Variants in NDST4 observed in about 807,000 individuals in gnomAD.
NDST4 encodes N-heparan sulfate sulfotransferase 4.
Under a neutral mutation model 100.8 loss-of-function variants are expected in NDST4, and 63 were observed. The ratio of observed to expected loss-of-function variants is 0.62; its 90% CI spans 0.51 to 0.77. NDST4 has a LOEUF of 0.77. NDST4 is among the 30% of genes least tolerant of loss of function. The pLI, the probability that NDST4 is intolerant of heterozygous loss-of-function variation, is 0.00. For missense variants in NDST4, 943 were observed against 1,018.4 expected, an observed-to-expected ratio of 0.93 and a Z score of 1.01; for synonymous variants, 377 against 361.8, an observed-to-expected ratio of 1.04 and a Z score of -0.48.
At chr4:114,984,986 T>G (rs957727626) in intron 2 of NDST4, among the ~76,000 whole-genome samples, 16 of 152,224 alleles carry the variant, frequency 1.1e-4, no homozygotes, top group African/African-American at 1.9e-4. Flanking sequence ...TTTGCTATAA[T>G]GTATACATTA....
intron 2 of NDST4, among the ~76,000 whole-genome samples, chr4:115,048,890 C>T (rs1044670079): frequency 1.3e-5 from 2 of 150,660 alleles, no homozygotes; most frequent in South Asian, 2.1e-4. Context: ...CTGCCCTCCT[C>T]GGCCTCCCAA....
rs143034343 is a variant in NDST4 at position 115,020,513 on chromosome 4, A to G, written c.979-43239T>C. ...GGTTTAGGCAAGGATTTCATGACCA[A>G]GAACCCAAAAGCAAATGCAGTAAAA... On this transcript the variant is annotated intron_variant, in intron 2 of 13. Coordinates refer to ENST00000264363, the MANE Select transcript of NDST4 (RefSeq NM_022569.3). Among the ~76,000 whole-genome samples, 1,170 of 152,258 alleles carry G rather than the reference A, an allele frequency of 7.7e-3. 10 individuals carry two copies. Among genetic ancestry groups the G allele is most frequent in the African/African-American group, 0.025 (1,020 of 41,554 alleles).
chr4:114,986,330 T>C (rs1560844938), intron 2 of NDST4, among the ~76,000 whole-genome samples: 2 of 152,156 alleles, frequency 1.3e-5, no homozygotes, highest in Admixed American at 6.5e-5. Context: ...ACTCCTTTCC[T>C]AGTAGATGTG....
intron 7 of NDST4, among the ~76,000 whole-genome samples, chr4:114,861,886 T>C (rs796203272): frequency 4.6e-5 from 7 of 152,288 alleles, no homozygotes; most frequent in African/African-American, 1.7e-4. Flanking sequence ...CAAAGCTTCT[T>C]CCCACTCTTG....
At chr4:115,006,228 C>T (rs1329945248) in intron 2 of NDST4, among the ~76,000 whole-genome samples, 1 of 151,808 alleles carries the variant, frequency 6.6e-6, no homozygotes, top group African/African-American at 2.4e-5. Flanking sequence ...TGATTAAGAA[C>T]AGGAGACAAA....
chr4:115,073,464 C>A (rs1729119705), intron 2 of NDST4, among the ~76,000 whole-genome samples: 1 of 151,916 alleles, frequency 6.6e-6, no homozygotes, highest in African/African-American at 2.4e-5. Context: ...TACATATACA[C>A]AATGAAATAT....
rs75326397 is a variant in NDST4 at position 114,880,279 on chromosome 4, T to C, written c.1537-9329A>G. Among the ~76,000 whole-genome samples, 676 of 152,304 alleles carry C rather than the reference T, an allele frequency of 4.4e-3. 2 individuals carry two copies. Among genetic ancestry groups the C allele is most frequent in the Non-Finnish European group, 6.5e-3 (441 of 68,020 alleles). On this transcript the variant is annotated intron_variant, in intron 6 of 13. Transcript: ENST00000264363. Reference sequence around the variant, plus strand: ...GGCAAGTCAGAACTGGGATTTTAGATGTCATGGCAATTACATTTTAGAATA... The same window carrying C: ...GGCAAGTCAGAACTGGGATTTTAGACGTCATGGCAATTACATTTTAGAATA...
intron 1 of NDST4, among the ~76,000 whole-genome samples, chr4:115,080,215 C>G (rs1168352887): frequency 6.6e-6 from 1 of 152,176 alleles, no homozygotes; most frequent in Non-Finnish European, 1.5e-5. Context: ...GGGCTCACTG[C>G]AGCCTCCACC....
At chr4:114,847,268 T>C (rs1309283036) in intron 9 of NDST4, among the ~76,000 whole-genome samples, 3 of 136,858 alleles carry the variant, frequency 2.2e-5, no homozygotes, top group South Asian at 2.7e-4. Flanking sequence ...CCCAGCTACT[T>C]GGGAGGCTGA....
intron 4 of NDST4, among the ~76,000 whole-genome samples, chr4:114,966,481 A>G (rs999149278): frequency 1.3e-5 from 2 of 150,896 alleles, no homozygotes; most frequent in African/African-American, 4.8e-5. Context: ...GATTGTATTT[A>G]AAAAATACAA....
intron 6 of NDST4, among the ~76,000 whole-genome samples, chr4:114,913,737 A>G (rs1372233499): frequency 1.2e-5 from 1 of 80,908 alleles, no homozygotes; most frequent in Non-Finnish European, 2.1e-5. Context: ...CCAAGAAAAA[A>G]AAAAAAAAAA....
chr4:114,997,005 C>A (rs1669735342), intron 2 of NDST4, among the ~76,000 whole-genome samples: 1 of 152,038 alleles, frequency 6.6e-6, no homozygotes, highest in African/African-American at 2.4e-5. Context: ...GAGGCAGCTA[C>A]CTGACCTAGC....
chr4:114,956,752 TGAAA>T (rs943099868), intron 4 of NDST4, among the ~76,000 whole-genome samples: 1 of 147,690 alleles, frequency 6.8e-6, no homozygotes, highest in African/African-American at 2.4e-5. Flanking sequence ...ACACTTCAAG[TGAAA>T]GAGTCACTTA....
chr4:114,855,064 G>T (rs1465046290), intron 7 of NDST4, among the ~76,000 whole-genome samples: 1 of 151,846 alleles, frequency 6.6e-6, no homozygotes, highest in Non-Finnish European at 1.5e-5. Context: ...TAATAATTTG[G>T]CATTTGTATA....
chr4:114,941,233 GCTTATATT>G (rs1725743429), intron 4 of NDST4, among the ~76,000 whole-genome samples: 1 of 152,184 alleles, frequency 6.6e-6, no homozygotes, highest in Non-Finnish European at 1.5e-5. Flanking sequence ...CATGTAACTT[GCTTATATT>G]CATTCACAAG....
chr4:114,938,047 TAAG>T lies in NDST4; in HGVS notation c.1222-547_1222-545del, dbSNP rs749459592. Among the ~76,000 whole-genome samples the T allele has an allele frequency of 1.3e-4, 20 of 152,318 alleles. No individual in the cohort carries two copies. The East Asian group carries it at 1.7e-3, about 13-fold the overall frequency. ...GAGGGCCAAGATCTGCTCTGAGTTTTAAGAAGAAGAACCTAGTGACAGCATGTT... is the reference window on the plus strand; with the variant it reads ...GAGGGCCAAGATCTGCTCTGAGTTTTAAGAAGAACCTAGTGACAGCATGTT... On this transcript the variant is annotated intron_variant, in intron 4 of 13. Transcript: ENST00000264363.
At chr4:115,087,601 G>C (rs997303388) in intron 1 of NDST4, among the ~76,000 whole-genome samples, 2 of 151,584 alleles carry the variant, frequency 1.3e-5, no homozygotes, top group African/African-American at 2.4e-5. Context: ...GCATTAATCT[G>C]CTAATCTATG....
At chr4:114,857,380 A>C (rs554725198) in intron 7 of NDST4, among the ~76,000 whole-genome samples, 1 of 152,178 alleles carries the variant, frequency 6.6e-6, no homozygotes, top group East Asian at 1.9e-4. Flanking sequence ...GCAACAATTC[A>C]CTGTAAGATG....
intron 2 of NDST4, among the ~76,000 whole-genome samples, chr4:115,049,281 G>C (rs1372548373): frequency 6.6e-6 from 1 of 151,952 alleles, no homozygotes; most frequent in Non-Finnish European, 1.5e-5. Flanking sequence ...GATCATTAAA[G>C]AGAAAGTGGA....
Sources: allele counts gnomAD v4.1 joint callset (sites outside exome capture counted in the v4.1 genomes callset), GRCh38; gene constraint gnomAD v4.1.1; transcripts MANE v1.5; gene names NCBI Gene and HGNC (gene_info 2026-07-23, HGNC 2026-07-21).